ROBO2: variants seen among roughly 807,000 people sequenced by gnomAD.
The protein encoded by ROBO2 is roundabout guidance receptor 2, also known as roundabout homolog 2.
A neutral mutation model predicts 160.8 loss-of-function variants in ROBO2; 53 were observed. The ratio of observed to expected loss-of-function variants is 0.33; its 90% CI spans 0.26 to 0.41. The LOEUF (loss-of-function observed/expected upper bound fraction) is 0.41, where lower values mean the gene tolerates loss of function less well. Among genes scored for constraint, ROBO2 ranks in the 10% least tolerant of loss-of-function variants. The pLI is 1.00. For synonymous variants in ROBO2, 664 were observed against 611.7 expected (o/e 1.09, Z -1.26); for missense variants, 1,577 against 1,722.4 (o/e 0.92, Z 1.49).
chr3:77,513,672 G>C (rs866200995), intron 5 of ROBO2, among the ~76,000 whole-genome samples: 45 of 151,870 alleles, frequency 3.0e-4, no homozygotes, highest in Middle Eastern at 3.4e-3. Flanking sequence ...CAGCTGAACA[G>C]ATGGTAATGA....
At chr3:77,217,967 T>C (rs1013545363) in intron 2 of ROBO2, among the ~76,000 whole-genome samples, 8 of 152,234 alleles carry the variant, frequency 5.3e-5, no homozygotes, top group Admixed American at 4.6e-4. Flanking sequence ...TATTTATATG[T>C]TTCCCAGTTT....
chr3:77,101,326 C>T (rs1167448947), intron 2 of ROBO2, among the ~76,000 whole-genome samples: 1 of 152,104 alleles, frequency 6.6e-6, no homozygotes, highest in African/African-American at 2.4e-5. Context: ...GGTTAAGTGA[C>T]TGGGTATATA....
chr3:77,445,919 A>G (rs1350160698), intron 2 of ROBO2, among the ~76,000 whole-genome samples: 1 of 151,590 alleles, frequency 6.6e-6, no homozygotes, highest in African/African-American at 2.4e-5. Flanking sequence ...CTAGGATGAC[A>G]CGTAGTAATT....
At chr3:77,069,014 C>T (rs898783234) in intron 1 of ROBO2, among the ~76,000 whole-genome samples, 3 of 152,148 alleles carry the variant, frequency 2.0e-5, no homozygotes, top group African/African-American at 7.2e-5. Context: ...TGGCCACGCT[C>T]AATTGTTTAA....
At chr3:76,702,209 A>G (rs559459142) in intron 2 of ROBO2, among the ~76,000 whole-genome samples, 1 of 152,088 alleles carries the variant, frequency 6.6e-6, no homozygotes, top group Non-Finnish European at 1.5e-5. Flanking sequence ...TGCACAGTGA[A>G]TTGTTTTAGA....
At chr3:76,680,376 G>A (rs959763342) in intron 2 of ROBO2, among the ~76,000 whole-genome samples, 5 of 143,726 alleles carry the variant, frequency 3.5e-5, no homozygotes, top group African/African-American at 7.9e-5. Context: ...AAAAAAAAAC[G>A]GCGAACAAAA....
chr3:76,802,865 A>G (rs2108874583), intron 2 of ROBO2, among the ~76,000 whole-genome samples: 1 of 152,320 alleles, frequency 6.6e-6, no homozygotes, highest in Non-Finnish European at 1.5e-5. Context: ...ATATTTAGCC[A>G]TATGCCACAT....
chr3:77,321,321 C>T (rs1450242975), intron 2 of ROBO2, among the ~76,000 whole-genome samples: 6 of 151,978 alleles, frequency 3.9e-5, no homozygotes, highest in South Asian at 4.2e-4. Flanking sequence ...GTTCAAGATC[C>T]GCCTGGGCAA....
intron 2 of ROBO2, among the ~76,000 whole-genome samples, chr3:77,381,093 A>C (rs552758244): frequency 6.6e-6 from 1 of 152,244 alleles, no homozygotes; most frequent in South Asian, 2.1e-4. Context: ...AGGCGGGGGG[A>C]TCACGAGGTC....
chr3:77,068,285 C>T (rs909959310), intron 1 of ROBO2, among the ~76,000 whole-genome samples: 2 of 151,944 alleles, frequency 1.3e-5, no homozygotes, highest in African/African-American at 2.4e-5. Flanking sequence ...CAAAAGAAAG[C>T]TTTATGTCTT....
chr3:77,065,983 G>A (rs115071813), intron 1 of ROBO2, among the ~76,000 whole-genome samples: 1,960 of 152,222 alleles, frequency 0.013, 20 homozygotes, highest in South Asian at 0.016. Context: ...CGAAGCCGAA[G>A]CTATTTCTTA....
At chr3:77,584,719 C>T (rs1471523683) in intron 16 of ROBO2, among the ~76,000 whole-genome samples, 1 of 151,774 alleles carries the variant, frequency 6.6e-6, no homozygotes, top group Non-Finnish European at 1.5e-5. Flanking sequence ...GAATTAATTC[C>T]TTAACCTGAG....
At chr3:76,898,366 A>C (rs1225903249) in intron 2 of ROBO2, among the ~76,000 whole-genome samples, 1 of 152,132 alleles carries the variant, frequency 6.6e-6, no homozygotes, top group Admixed American at 6.6e-5. Flanking sequence ...AATCCATCTA[A>C]AATGAGTATT....
At chr3:76,729,907 G>A (rs2107827831) in intron 2 of ROBO2, among the ~76,000 whole-genome samples, 1 of 152,086 alleles carries the variant, frequency 6.6e-6, no homozygotes, top group Admixed American at 6.6e-5. Flanking sequence ...CAAAGTGTAG[G>A]GATTATGGGC....
intron 2 of ROBO2, among the ~76,000 whole-genome samples, chr3:76,886,135 C>T (rs752573162): frequency 1.8e-4 from 27 of 151,992 alleles, no homozygotes; most frequent in Admixed American, 1.6e-3. Context: ...TTTTGCTCTC[C>T]CTCTGTCTCT....
chr3:76,623,254 T>C (rs1435450789), intron 2 of ROBO2, among the ~76,000 whole-genome samples: 2 of 152,184 alleles, frequency 1.3e-5, no homozygotes, highest in African/African-American at 4.8e-5. Flanking sequence ...AAATAACTTT[T>C]TTCCAGGTAG....
At chr3:77,277,440 T>C (rs908174316) in intron 2 of ROBO2, among the ~76,000 whole-genome samples, 3 of 152,006 alleles carry the variant, frequency 2.0e-5, no homozygotes, top group Non-Finnish European at 4.4e-5. Flanking sequence ...TTCTTCCAGA[T>C]GATGTCACTC....
chr3:77,200,892 A>G (rs2082848632), intron 2 of ROBO2, among the ~76,000 whole-genome samples: 1 of 152,164 alleles, frequency 6.6e-6, no homozygotes, highest in Non-Finnish European at 1.5e-5. Flanking sequence ...CCTTTTGCCC[A>G]CCAAGGCCTC....
intron 2 of ROBO2, among the ~76,000 whole-genome samples, chr3:75,966,055 GA>G (rs1949098365): frequency 6.6e-6 from 1 of 151,650 alleles, no homozygotes; most frequent in Non-Finnish European, 1.5e-5. Flanking sequence ...ATTTCTGCGA[GA>G]GGTCACAAGC....
Sources: gnomAD v4.1 joint callset for allele counts (sites outside exome capture counted in the v4.1 genomes callset) on GRCh38, gnomAD v4.1.1 for gene constraint, MANE v1.5 for transcripts, NCBI Gene and HGNC (gene_info 2026-07-23, HGNC 2026-07-21) for gene names.